The following BAZ1A variants were observed in gnomAD, a reference collection of about 807,000 sequenced individuals.
BAZ1A encodes bromodomain adjacent to zinc finger domain protein 1A.
In BAZ1A, 50 loss-of-function variants were observed where a neutral mutation model predicts 185.2. The ratio of observed to expected loss-of-function variants is 0.27; its 90% CI spans 0.22 to 0.34. BAZ1A has a LOEUF of 0.34. Ranked by LOEUF, BAZ1A falls within the 10% of genes least tolerant of loss-of-function variation. The probability of loss-of-function intolerance (pLI) is 1.00; values close to 1 mark genes in which losing one functional copy is unlikely to be tolerated. For synonymous variants in BAZ1A, 571 were observed against 615.6 expected (o/e 0.93, Z 1.07); for missense variants, 1,356 against 1,839.9 (o/e 0.74, Z 4.81).
intron 3 of BAZ1A, among the ~76,000 whole-genome samples, chr14:34,857,126 C>G (rs1253637889): frequency 2.0e-5 from 3 of 151,206 alleles, no homozygotes; most frequent in Non-Finnish European, 4.4e-5. Context: ...CCTGCCTCAG[C>G]CTCCTGAGTA....
intron 9 of BAZ1A, among the ~76,000 whole-genome samples, chr14:34,797,585 T>C (rs770089718): frequency 3.3e-5 from 5 of 152,122 alleles, no homozygotes; most frequent in Non-Finnish European, 5.9e-5. Context: ...ATTCTATCTC[T>C]AATGTTACCA....
intron 16 of BAZ1A, 41 bp from the exon 17 acceptor site, chr14:34,780,351 A>T (rs776930276): frequency 6.4e-7 from 1 of 1,560,226 alleles, no homozygotes; most frequent in East Asian, 2.3e-5. Context: ...TAATGAATAT[A>T]TAATTCCATT....
Position 34,874,683 on chromosome 14 carries a change from G to A in BAZ1A, c.-58-21C>T, listed in dbSNP as rs2043013761. The stretch of plus-strand genomic sequence containing the variant: ...CTTCCCTATCAAAATTGGAGGGAAA[G>A]GAAAGCCGGTAAGGTGGGGAGCCCT... On this transcript the variant is annotated intron_variant, in intron 1 of 26. Coordinates refer to ENST00000360310, the MANE Select transcript of BAZ1A (RefSeq NM_013448.3). This position sits in a 1 kb window ranked among gnomAD's most constrained non-coding sequence, Gnocchi z 4.7. 1 of 1,292,272 alleles carries A rather than the reference G, an allele frequency of 7.7e-7. No homozygotes were observed. Among genetic ancestry groups the A allele is most frequent in the South Asian group, 1.3e-5 (1 of 74,876 alleles). 80.1% of individuals were successfully genotyped at this position (1,292,272 alleles called of 1,614,324 possible).
At chr14:34,866,729 A>G (rs915283645) in intron 2 of BAZ1A, among the ~76,000 whole-genome samples, 11 of 151,988 alleles carry the variant, frequency 7.2e-5, no homozygotes, top group African/African-American at 2.7e-4. Context: ...AACTTAAACA[A>G]TACTTAGTAT....
At chr14:34,794,668 C>A in intron 11 of BAZ1A, 81 bp downstream of exon 11, 1 of 1,446,054 alleles carries the variant, frequency 6.9e-7, no homozygotes, top group Non-Finnish European at 9.4e-7. Flanking sequence ...CCCCACAGAA[C>A]TTTACAAGGT....
chr14:34,787,363 A>AAAGAAAGAAAAG (rs1555339667), intron 12 of BAZ1A, among the ~76,000 whole-genome samples: 6 of 112,798 alleles, frequency 5.3e-5, no homozygotes, highest in Admixed American at 1.1e-4. Context: ...AAAAAAAAAA[A>AAAGAAAGAAAAG]AAAAAGAAAA....
At position 34,756,067 on chromosome 14, in the gene BAZ1A, C is replaced by G. The variant is rs571276435; in HGVS notation, c.4387-1153G>C. Among the ~76,000 whole-genome samples, 354 of 147,450 alleles carry G rather than the reference C, an allele frequency of 2.4e-3. 1 individual carries two copies. The highest frequency in any genetic ancestry group is 3.3e-3 in the Non-Finnish European group (223 of 67,700). On this transcript the variant is annotated intron_variant, in intron 25 of 26. Transcript: ENST00000360310. ...TGTTGGTTAGGCTGGTCTCAAACTC[C>G]TGGGCTCAAGCGATCCACCTGCCTC...
At chr14:34,867,767 A>G (rs1286427437) in intron 2 of BAZ1A, among the ~76,000 whole-genome samples, 1 of 152,178 alleles carries the variant, frequency 6.6e-6, no homozygotes, top group Non-Finnish European at 1.5e-5. Context: ...TCCCCTACTC[A>G]TAACCCCCTA....
intron 8 of BAZ1A, 128 bp downstream of exon 8, chr14:34,800,966 A>G (rs926878307): frequency 3.2e-6 from 2 of 625,150 alleles, no homozygotes; most frequent in African/African-American, 3.8e-5. Context: ...GTTATCTGAT[A>G]GAAAAAATAA....
chr14:34,857,926 C>T (rs2042708143), intron 3 of BAZ1A, among the ~76,000 whole-genome samples: 1 of 152,212 alleles, frequency 6.6e-6, no homozygotes, highest in Admixed American at 6.5e-5. Flanking sequence ...TTCCTCCCCT[C>T]ACTCTCTACC....
In BAZ1A at chr14:34,793,427, A is replaced by T. The variant is rs373564432; in HGVS notation, c.1364-506T>A. ...TGTTTAGACCTCCTTGATCTATAAG[A>T]CACAATGATTCTTGCTTCATCCACC... On this transcript the variant is annotated intron_variant, in intron 11 of 26. Coordinates refer to ENST00000360310, the MANE Select transcript of BAZ1A (RefSeq NM_013448.3). 6.0e-4 allele frequency among the ~76,000 whole-genome samples: 91 copies of T among 152,374 alleles called. 1 individual carries two copies. The highest frequency in any genetic ancestry group is 2.1e-3 in the African/African-American group (86 of 41,594).
chr14:34,764,728 G>A lies in BAZ1A; in HGVS notation c.3755C>T (p.Ser1252Phe). ...EYEVEQDEDDSQEEEEVSLPK... is the reference protein window; with the variant it reads ...EYEVEQDEDDFQEEEEVSLPK... ...TTACCTGACTTCTTCCTCTTCTTGA[G>A]AGTCATCTTCATCTTGTTCTACCTC... Residue 1252 changes from serine (S) to phenylalanine (F), a missense_variant, in exon 23 of 27, where the codon TCT (serine) becomes TTT (phenylalanine). Ser to Phe is a radical substitution (Grantham distance 155). Coordinates refer to ENST00000360310, the MANE Select transcript of BAZ1A (RefSeq NM_013448.3). 1.2e-6 allele frequency: 2 copies of A among 1,609,934 alleles called. No homozygotes were observed. The highest frequency in any genetic ancestry group is 1.7e-6 in the Non-Finnish European group (2 of 1,177,146).
intron 3 of BAZ1A, 28 bp downstream of exon 3, chr14:34,862,016 C>T: frequency 6.2e-7 from 1 of 1,602,434 alleles, no homozygotes; most frequent in South Asian, 1.1e-5. Context: ...TATAAACTTA[C>T]CAAGAGGAAA....
chr14:34,810,382 T>G (rs1440507068), intron 5 of BAZ1A, among the ~76,000 whole-genome samples: 2 of 152,184 alleles, frequency 1.3e-5, no homozygotes, highest in Non-Finnish European at 2.9e-5. Context: ...TGATTAGGCC[T>G]CAAACAGGAA....
intron 7 of BAZ1A, among the ~76,000 whole-genome samples, chr14:34,801,630 C>T (rs961626481): frequency 4.6e-5 from 7 of 152,086 alleles, no homozygotes; most frequent in Non-Finnish European, 8.8e-5. Flanking sequence ...ATAATTGGGC[C>T]GGGCACAGTG....
chr14:34,830,422 AATATCCAGAAATCTGG>A (rs1445080854), intron 3 of BAZ1A, among the ~76,000 whole-genome samples: 1 of 152,098 alleles, frequency 6.6e-6, no homozygotes, highest in Non-Finnish European at 1.5e-5. Flanking sequence ...ATTTATATGA[AATATCCAGAAATCTGG>A]ATATTTATAT....
At chr14:34,821,045 C>A (rs757219357) in intron 4 of BAZ1A, among the ~76,000 whole-genome samples, 2 of 152,130 alleles carry the variant, frequency 1.3e-5, no homozygotes, top group Non-Finnish European at 2.9e-5. Flanking sequence ...CTGGGTCTCC[C>A]GTCTCTCCAT....
At chr14:34,860,170 T>C (rs1413450423) in intron 3 of BAZ1A, among the ~76,000 whole-genome samples, 2 of 151,998 alleles carry the variant, frequency 1.3e-5, no homozygotes. Context: ...ATTCAGAATG[T>C]TGTACTTAAG....
chr14:34,774,812 T>A (rs1879476462), intron 18 of BAZ1A, among the ~76,000 whole-genome samples: 1 of 151,984 alleles, frequency 6.6e-6, no homozygotes, highest in Non-Finnish European at 1.5e-5. Flanking sequence ...CCAGAATATA[T>A]AAAGAACTCT....
Sources: gnomAD v4.1 joint callset for allele counts (sites outside exome capture counted in the v4.1 genomes callset) on GRCh38, gnomAD v4.1.1 for gene constraint, Gnocchi (gnomAD v3.1) non-coding constraint, MANE v1.5 for transcripts, NCBI Gene and HGNC (gene_info 2026-07-23, HGNC 2026-07-21) for gene names.